The following SULF1 variants were observed in gnomAD, a reference collection of about 807,000 sequenced individuals.
SULF1 encodes the protein sulfatase 1.
Under a neutral mutation model 110.5 loss-of-function variants are expected in SULF1, and 46 were observed. The ratio of observed to expected loss-of-function variants is 0.42; its 90% CI spans 0.33 to 0.53. The LOEUF (loss-of-function observed/expected upper bound fraction) is 0.53, where lower values mean the gene tolerates loss of function less well. Ranked by LOEUF, SULF1 falls within the 20% of genes least tolerant of loss-of-function variation. SULF1 has a pLI of 0.12. For synonymous variants in SULF1, 371 were observed against 387.1 expected (o/e 0.96, Z 0.49); for missense variants, 941 against 1,094.2 (o/e 0.86, Z 1.98).
At chr8:69,480,832 G>T (rs1421819715) in intron 1 of SULF1, among the ~76,000 whole-genome samples, 1 of 144,894 alleles carries the variant, frequency 6.9e-6, no homozygotes, top group Non-Finnish European at 1.5e-5. Context: ...GGTGGGAATT[G>T]AACAATGAGA....
At position 69,624,125 on chromosome 8, in the gene SULF1, G is replaced by A; in HGVS notation, c.1778G>A (p.Gly593Asp). Reference protein sequence around the residue: ...GPRDLQASSGGNRGRMLADSS... With the variant: ...GPRDLQASSGDNRGRMLADSS... ...AGAGATCTCCAGGCTTCCAGTGGTG[G>A]CAACAGGGGCAGGATGCTGGCAGAT... Residue 593 changes from glycine (G) to aspartate (D), a missense_variant, in exon 15 of 23, where the codon GGC becomes GAC. By Grantham distance (94) the Gly-to-Asp change is moderately conservative (BLOSUM62 -1). This residue lies in a region of SULF1 where 822 missense variants were observed against 934.3 expected (regional missense o/e 0.88). Coordinates refer to ENST00000402687, the MANE Select transcript of SULF1 (RefSeq NM_001128205.2). The A allele has an allele frequency of 6.2e-7, 1 of 1,613,528 alleles. No individual in the cohort carries two copies. The highest frequency in any genetic ancestry group is 2.2e-5 in the East Asian group (1 of 44,862).
chr8:69,601,718 A>G lies in SULF1; in HGVS notation c.950A>G (p.His317Arg). The change falls in exon 10 of 23, where the codon CAT becomes CGT. Residue 317 changes from histidine (H) to arginine (R), a missense_variant. Transcript: ENST00000402687. ...ENTYIIYTADHGYHIGQFGLV... is the reference protein window; with the variant it reads ...ENTYIIYTADRGYHIGQFGLV... ...ACTTACATCATTTACACCGCCGACC[A>G]TGGTTACCATATTGGGCAGTTTGGA... is the stretch of plus-strand genomic sequence containing the variant. 6.2e-7 allele frequency: 1 copy of G among 1,613,686 alleles called. No homozygotes were observed. Among genetic ancestry groups the G allele is most frequent in the Non-Finnish European group, 8.5e-7 (1 of 1,179,844 alleles).
intron 3 of SULF1, among the ~76,000 whole-genome samples, chr8:69,504,953 A>C (rs866164214): frequency 1.3e-5 from 2 of 152,192 alleles, no homozygotes; most frequent in Non-Finnish European, 2.9e-5. Flanking sequence ...TGCCCTGTGC[A>C]TTTTTGATTG....
intron 3 of SULF1, among the ~76,000 whole-genome samples, chr8:69,504,054 T>C (rs1563476045): frequency 6.6e-6 from 1 of 152,004 alleles, no homozygotes; most frequent in Non-Finnish European, 1.5e-5. Flanking sequence ...AGCCTCAGCC[T>C]CCCAAAGTGC....
intron 5 of SULF1, among the ~76,000 whole-genome samples, chr8:69,575,199 GTT>G (rs573518232): frequency 1.3e-4 from 19 of 141,188 alleles, no homozygotes; most frequent in African/African-American, 3.3e-4. Context: ...AATCGAAATA[GTT>G]TTTTTTTTTT....
chr8:69,556,002 C>T (rs1406848513), intron 3 of SULF1, among the ~76,000 whole-genome samples: 3 of 152,058 alleles, frequency 2.0e-5, no homozygotes, highest in Non-Finnish European at 4.4e-5. Flanking sequence ...CCGAATCTGT[C>T]GAAAGTATAT....
chr8:69,518,826 T>A (rs1289894989), intron 3 of SULF1, among the ~76,000 whole-genome samples: 1 of 152,334 alleles, frequency 6.6e-6, no homozygotes, highest in Middle Eastern at 3.4e-3. Context: ...GTAGTCTTAC[T>A]CTACATATCT....
At chr8:69,555,006 A>G (rs990960923) in intron 3 of SULF1, among the ~76,000 whole-genome samples, 9 of 148,606 alleles carry the variant, frequency 6.1e-5, no homozygotes, top group African/African-American at 2.3e-4. Context: ...AAACAAAAAA[A>G]AAAAACTTCA....
At chr8:69,492,572 G>T (rs1186403219), upstream of SULF1, among the ~76,000 whole-genome samples, 2 of 152,168 alleles carry the variant, frequency 1.3e-5, no homozygotes, top group African/African-American at 4.8e-5. Context: ...GGAACCACAT[G>T]CCTGGAAACC....
intron 9 of SULF1, among the ~76,000 whole-genome samples, chr8:69,601,384 G>A (rs968554280): frequency 2.0e-5 from 3 of 152,140 alleles, no homozygotes; most frequent in Non-Finnish European, 2.9e-5. Context: ...GTTGTTGTGC[G>A]GGGTGTTTTT....
intron 1 of SULF1, among the ~76,000 whole-genome samples, chr8:69,485,277 A>G (rs556282887): frequency 6.6e-6 from 1 of 152,328 alleles, no homozygotes; most frequent in Non-Finnish European, 1.5e-5. Flanking sequence ...CTTTAGTAAT[A>G]GCATCATTGT....
chr8:69,578,545 C>T (rs1183324408), intron 6 of SULF1, among the ~76,000 whole-genome samples: 1 of 132,644 alleles, frequency 7.5e-6, no homozygotes, highest in African/African-American at 2.9e-5. Flanking sequence ...ATGGGAAGAG[C>T]CGGCACCGGG....
intron 2 of SULF1, among the ~76,000 whole-genome samples, chr8:69,498,442 G>A (rs1283825261): frequency 6.6e-6 from 1 of 152,166 alleles, no homozygotes; most frequent in Non-Finnish European, 1.5e-5. Flanking sequence ...GTGAGGCTCA[G>A]CCACCTTCCA....
Position 69,603,631 on chromosome 8 carries a change from C to G in SULF1, c.1222C>G (p.Arg408Gly), listed in dbSNP as rs761408383. ...FRTNKKAKIW[R>G]DTFLVERGKF... ...AACAAACAAGAAGGCCAAAATTTGGCGTGATACATTCCTAGTGGAAAGAGG... is the reference window on the plus strand; with the variant it reads ...AACAAACAAGAAGGCCAAAATTTGGGGTGATACATTCCTAGTGGAAAGAGG... The change falls in exon 12 of 23, where the codon CGT becomes GGT. Residue 408 changes from arginine to glycine, a missense_variant. This residue lies in a region of SULF1 where 822 missense variants were observed against 934.3 expected (regional missense o/e 0.88). Coordinates refer to ENST00000402687, the MANE Select transcript of SULF1 (RefSeq NM_001128205.2). 1 of 1,613,426 alleles carries G rather than the reference C, an allele frequency of 6.2e-7. No homozygotes were observed. The highest frequency in any genetic ancestry group is 8.5e-7 in the Non-Finnish European group (1 of 1,179,340).
In SULF1 at chr8:69,512,357, G is replaced by A. The variant is rs984748742; in HGVS notation, c.-134+10389G>A. On this transcript the variant is annotated intron_variant, in intron 3 of 22. Transcript: ENST00000402687. ...AAAGTTAAAGGTGATCATCAGCATG[G>A]CCTGAAATGAACAACAGGGCCATGG... is the stretch of plus-strand genomic sequence containing the variant. 9.2e-5 allele frequency among the ~76,000 whole-genome samples: 14 copies of A among 152,274 alleles called. No individual in the cohort carries two copies. The East Asian group carries it at 2.7e-3, about 29-fold the overall frequency.
At chr8:69,602,779 TAAG>T (rs1374804132) in intron 10 of SULF1, among the ~76,000 whole-genome samples, 1 of 152,260 alleles carries the variant, frequency 6.6e-6, no homozygotes, top group African/African-American at 2.4e-5. Flanking sequence ...CTTTATGTTT[TAAG>T]GACTAGATAG....
At chr8:69,578,289 C>T (rs948954342) in intron 6 of SULF1, among the ~76,000 whole-genome samples, 1 of 152,092 alleles carries the variant, frequency 6.6e-6, no homozygotes, top group Non-Finnish European at 1.5e-5. Context: ...CAAATTTACA[C>T]CCACAAGAAT....
intron 15 of SULF1, chr8:69,625,814 C>CG (rs1563602374): frequency 6.6e-6 from 1 of 152,382 alleles, no homozygotes; most frequent in African/African-American, 2.4e-5. Flanking sequence ...CTGCTGGCTC[C>CG]GGCAGCCTGC....
At chr8:69,622,025 G>C (rs2130554923) in intron 14 of SULF1, among the ~76,000 whole-genome samples, 1 of 152,322 alleles carries the variant, frequency 6.6e-6, no homozygotes, top group Middle Eastern at 3.4e-3. Context: ...TCATACACTA[G>C]AACAATGGAA....
Sources: allele counts gnomAD v4.1 joint callset (sites outside exome capture counted in the v4.1 genomes callset), GRCh38; gene constraint gnomAD v4.1.1; regional missense constraint gnomAD v4.1.1; transcripts MANE v1.5; gene names NCBI Gene and HGNC (gene_info 2026-07-23, HGNC 2026-07-21).